RBM6: variants seen among roughly 807,000 people sequenced by gnomAD.
RBM6 encodes RNA binding motif protein 6.
In RBM6, 23 loss-of-function variants were observed where a neutral mutation model predicts 140.4. That is an observed-to-expected ratio of 0.16 (90% CI 0.12 to 0.23). RBM6 has a LOEUF of 0.23. RBM6 is among the 10% of genes least tolerant of loss of function. The pLI is 1.00. For synonymous variants in RBM6, 439 were observed against 475.6 expected (o/e 0.92, Z 1.00); for missense variants, 1,139 against 1,386.7 (o/e 0.82, Z 2.84).
intron 17 of RBM6, 73 bp from the exon 18 acceptor site, chr3:50,068,617 G>T: frequency 1.4e-6 from 2 of 1,386,492 alleles, no homozygotes; most frequent in South Asian, 1.2e-5. Flanking sequence ...AGCAACTATT[G>T]GGAAAGGCCT....
rs531059922 is a variant in RBM6 at position 49,991,709 on chromosome 3, G to A, written c.1484-7731G>A. 2.6e-5 allele frequency among the ~76,000 whole-genome samples: 4 copies of A among 152,200 alleles called. No individual in the cohort carries two copies. In the East Asian group the frequency reaches 5.8e-4, roughly 22 times the overall value. ...TACAGGGCATAAGTGGCCCAGTGGG[G>A]TTGCCGTTTAACCCATCTCTGCTGT... On this transcript the variant is annotated intron_variant, in intron 5 of 20. Transcript: ENST00000266022.
At chr3:50,054,656 C>T (rs376906746) in intron 8 of RBM6, among the ~76,000 whole-genome samples, 1 of 151,994 alleles carries the variant, frequency 6.6e-6, no homozygotes, top group Non-Finnish European at 1.5e-5. Flanking sequence ...CAGGCATGTG[C>T]CACCACGCCC....
intron 1 of RBM6, among the ~76,000 whole-genome samples, chr3:49,959,292 C>T (rs1158309998): frequency 1.3e-5 from 2 of 149,292 alleles, no homozygotes; most frequent in African/African-American, 4.9e-5. Flanking sequence ...GGGTTCACAC[C>T]ATTCTCCTGC....
chr3:50,022,335 C>CTT (rs796974994), intron 6 of RBM6, among the ~76,000 whole-genome samples: 3 of 143,578 alleles, frequency 2.1e-5, no homozygotes, highest in African/African-American at 7.6e-5. Context: ...TTTCTTCTTT[C>CTT]TTTTTTTTTT....
intron 15 of RBM6, among the ~76,000 whole-genome samples, chr3:50,062,645 C>T (rs898985525): frequency 2.0e-5 from 3 of 152,156 alleles, no homozygotes; most frequent in African/African-American, 7.2e-5. Context: ...ATCCCAACAC[C>T]TCAGCTCCAT....
intron 1 of RBM6, among the ~76,000 whole-genome samples, chr3:49,962,007 A>G (rs916214119): frequency 6.6e-6 from 1 of 151,694 alleles, no homozygotes; most frequent in African/African-American, 2.4e-5. Flanking sequence ...ATACAAAAAA[A>G]TTAGCTGGGC....
chr3:49,989,571 A>T (rs565060150), intron 5 of RBM6, among the ~76,000 whole-genome samples: 9 of 152,060 alleles, frequency 5.9e-5, no homozygotes, highest in Non-Finnish European at 8.8e-5. Context: ...AAACTGTCTC[A>T]AAATAAATAA....
At chr3:50,031,420 A>C (rs1037415111) in intron 6 of RBM6, among the ~76,000 whole-genome samples, 2 of 152,220 alleles carry the variant, frequency 1.3e-5, no homozygotes, top group Non-Finnish European at 2.9e-5. Flanking sequence ...GGATGAGTTC[A>C]TGTCCTTTGT....
At chr3:50,059,837 T>C in intron 11 of RBM6, 91 bp downstream of exon 11, 1 of 1,029,626 alleles carries the variant, frequency 9.7e-7, no homozygotes, top group Non-Finnish European at 1.4e-6. Context: ...CAGTAAAGCA[T>C]GATGTTTTCC....
At position 49,968,637 on chromosome 3, in the gene RBM6, G is replaced by A. The variant is rs764307546; in HGVS notation, c.1212G>A (p.Met404Ile). Residue 404 changes from methionine (M) to isoleucine (I), a missense_variant, in exon 3 of 21, where the codon ATG becomes ATA. Transcript: ENST00000266022. ...GGCAAGACACCGATTACAGAAGCAT[G>A]GAGTACCGTGATGTGGATCATAGGC... ...LGRQDTDYRS[M>I]EYRDVDHRLP... 2 of 1,614,198 alleles carry A rather than the reference G, an allele frequency of 1.2e-6. No homozygotes were observed. Among genetic ancestry groups the A allele is most frequent in the Non-Finnish European group, 8.5e-7 (1 of 1,180,050 alleles).
intron 7 of RBM6, among the ~76,000 whole-genome samples, chr3:50,050,782 T>G (rs894123931): frequency 6.6e-6 from 1 of 152,176 alleles, no homozygotes; most frequent in Non-Finnish European, 1.5e-5. Context: ...TGAAATAATA[T>G]CTCATTGTGG....
intron 6 of RBM6, among the ~76,000 whole-genome samples, chr3:50,040,443 CTCAAAAAAAAA>C (rs2088818285): frequency 6.5e-5 from 3 of 46,180 alleles, no homozygotes; most frequent in African/African-American, 3.6e-4. Flanking sequence ...AAGGCTCCTT[CTCAAAAAAAAA>C]AAAAAAAAAA....
intron 1 of RBM6, among the ~76,000 whole-genome samples, chr3:49,960,981 C>T (rs1301761105): frequency 6.7e-6 from 1 of 149,106 alleles, no homozygotes. Flanking sequence ...GCGATCTTGG[C>T]TCACTGCAGC....
chr3:50,061,045 C>T, intron 12 of RBM6, 47 bp downstream of exon 12: 1 of 1,603,924 alleles, frequency 6.2e-7, no homozygotes, highest in Non-Finnish European at 8.5e-7. Context: ...CCTCAGGTGA[C>T]TATAAGGGTG....
chr3:49,982,185 C>T (rs915314003), intron 5 of RBM6, among the ~76,000 whole-genome samples: 2 of 149,338 alleles, frequency 1.3e-5, no homozygotes, highest in Admixed American at 6.8e-5. Flanking sequence ...GTCACTTGGT[C>T]TGTTGCCTGG....
chr3:50,068,786 C>T, intron 18 of RBM6, 22 bp downstream of exon 18: 1 of 1,597,566 alleles, frequency 6.3e-7, no homozygotes, highest in Non-Finnish European at 8.6e-7. Flanking sequence ...TGACCTATTA[C>T]TCCCTTGACC....
chr3:49,950,894 A>AC (rs1476922935), intron 1 of RBM6, among the ~76,000 whole-genome samples: 11 of 152,212 alleles, frequency 7.2e-5, no homozygotes, highest in African/African-American at 2.7e-4. Context: ...AGATATTTGT[A>AC]CCCATGTTCA....
intron 6 of RBM6, among the ~76,000 whole-genome samples, chr3:50,038,789 C>T (rs1031649251): frequency 9.9e-5 from 15 of 152,084 alleles, no homozygotes; most frequent in Admixed American, 7.2e-4. Flanking sequence ...GCCGAGATCG[C>T]GCCACTGCAC....
chr3:50,047,267 G>T, intron 6 of RBM6: 1 of 985,272 alleles, frequency 1.0e-6, no homozygotes, highest in Non-Finnish European at 1.2e-6. Flanking sequence ...GAAACACAGA[G>T]GACCCTAGAG....
Sources: gnomAD v4.1 joint callset for allele counts (sites outside exome capture counted in the v4.1 genomes callset) on GRCh38, gnomAD v4.1.1 for gene constraint, MANE v1.5 for transcripts, NCBI Gene and HGNC (gene_info 2026-07-23, HGNC 2026-07-21) for gene names.